ASB11: variants seen among roughly 807,000 people sequenced by gnomAD.
ASB11 encodes the protein ankyrin repeat and SOCS box containing 11.
ASB11 carries 17 observed loss-of-function variants against 20.1 expected under a neutral mutation model. That is an observed-to-expected ratio of 0.85 (90% CI 0.58 to 1.27). The LOEUF (loss-of-function observed/expected upper bound fraction) is 1.27. Among genes scored for constraint, ASB11 ranks in the 50% most tolerant of loss-of-function variants. The pLI is 0.00. For synonymous variants in ASB11, 107 were observed against 105.6 expected, an observed-to-expected ratio of 1.01 and a Z score of -0.08; for missense variants, 259 against 256.9, an observed-to-expected ratio of 1.01 and a Z score of -0.06.
At position 15,283,618 on chromosome X, in the gene ASB11, G is replaced by C. The variant is rs374065486; in HGVS notation, c.859C>G (p.Leu287Val). 2.9e-5 allele frequency: 35 copies of C among 1,207,367 alleles called. No individual in the cohort carries two copies. Among genetic ancestry groups the C allele is most frequent in the Non-Finnish European group, 3.8e-5 (34 of 893,859 alleles). ...ACACACAGGCGGCAGAGCTGGGAAAGAGCAGGTGGGCCTGAGAGAGAAATA... is the reference window on the plus strand; with the variant it reads ...ACACACAGGCGGCAGAGCTGGGAAACAGCAGGTGGGCCTGAGAGAGAAATA... Reference protein sequence around the residue: ...ALLLREGPPALSQLCRLCVRK... With the variant: ...ALLLREGPPAVSQLCRLCVRK... The change falls in exon 7 of 7, where the codon CTT (leucine) becomes GTT (valine). Residue 287 changes from leucine to valine, a missense_variant. By Grantham distance (32) the Leu-to-Val change is conservative (BLOSUM62 1). Transcript: ENST00000480796.
At chrX:15,296,155 A>G (rs1162702207) in intron 3 of ASB11, among the ~76,000 whole-genome samples, 1 of 111,472 alleles carries the variant, frequency 9.0e-6, no homozygotes, top group Non-Finnish European at 1.9e-5. Context: ...AGGCTGAGGC[A>G]GGGGAATCGT....
chrX:15,285,878 G>A lies in ASB11; in HGVS notation c.847+2003C>T, dbSNP rs756058926. ...AAATTAGCTGGGCGTGGTGGCACGC[G>A]CCTGTAATCGCAGCTACTCAGGAGG... On this transcript the variant is annotated intron_variant, in intron 6 of 6. Transcript: ENST00000480796. 9.0e-5 allele frequency among the ~76,000 whole-genome samples: 10 copies of A among 110,646 alleles called. No homozygotes were observed. The South Asian group carries it at 2.4e-3, about 26-fold the overall frequency.
intron 1 of ASB11, among the ~76,000 whole-genome samples, chrX:15,309,576 G>GGA (rs1159886344): frequency 9.0e-6 from 1 of 110,857 alleles, no homozygotes; most frequent in Non-Finnish European, 1.9e-5. Context: ...CCTGGTCCAT[G>GGA]GAGAAATTGT....
intron 4 of ASB11, chrX:15,292,134 C>T (rs1927552117): frequency 9.0e-6 from 1 of 110,737 alleles, no homozygotes; most frequent in African/African-American, 3.3e-5. Context: ...AAATGACTAA[C>T]ATCAGCTATT....
rs746885152 is a variant in ASB11 at position 15,315,532 on chromosome X, TTA to T, written c.72_73del (p.Phe24LeufsTer5). The T allele has an allele frequency of 1.0e-5, 12 of 1,192,286 alleles. No homozygotes were observed. Among genetic ancestry groups the T allele is most frequent in the Non-Finnish European group, 1.4e-5 (12 of 886,674 alleles). On this transcript the variant is annotated frameshift_variant, in exon 1 of 7. Coordinates refer to ENST00000480796, the MANE Select transcript of ASB11 (RefSeq NM_080873.3). LOFTEE classifies it high-confidence loss of function. The stretch of plus-strand genomic sequence containing the variant: ...AGCCAAAAAAACTTTAATTAAAAGC[TTA>T]AAGAAAAAAAACGTAGCAAACATTG...
intron 2 of ASB11, among the ~76,000 whole-genome samples, chrX:15,302,290 C>T (rs1309473023): frequency 8.9e-6 from 1 of 111,836 alleles, no homozygotes; most frequent in Non-Finnish European, 1.9e-5. Flanking sequence ...CTAAGCTGCT[C>T]CCTGGCCCAC....
intron 2 of ASB11, among the ~76,000 whole-genome samples, chrX:15,298,028 G>A (rs750516433): frequency 8.9e-6 from 1 of 112,158 alleles, no homozygotes; most frequent in Non-Finnish European, 1.9e-5. Context: ...TCTGCATTCT[G>A]GAGCAGGTAA....
chrX:15,307,443 A>G (rs1180194335), intron 1 of ASB11, among the ~76,000 whole-genome samples: 1 of 112,371 alleles, frequency 8.9e-6, no homozygotes, highest in Non-Finnish European at 1.9e-5. Context: ...CAGGCATTAG[A>G]TTCTCATAAA....
At chrX:15,297,931 C>T (rs1020839531) in intron 2 of ASB11, among the ~76,000 whole-genome samples, 2 of 112,114 alleles carry the variant, frequency 1.8e-5, no homozygotes, top group Admixed American at 1.9e-4. Flanking sequence ...AATATTAGTA[C>T]CATAGAGAGA....
intron 2 of ASB11, among the ~76,000 whole-genome samples, chrX:15,301,321 A>C (rs1921060395): frequency 8.9e-6 from 1 of 112,298 alleles, no homozygotes; most frequent in Non-Finnish European, 1.9e-5. Context: ...ACCTATTAAA[A>C]ATAATCAAAT....
Position 15,302,783 on chromosome X carries a change from A to C in ASB11, c.206T>G (p.Leu69Arg). Residue 69 changes from leucine to arginine, a missense_variant, in exon 2 of 7, where the codon CTT (leucine) becomes CGT (arginine). Physicochemically the swap from Leu to Arg is moderately radical, Grantham distance 102. Transcript: ENST00000480796. ...ISDCWADRSP[L>R]HEAAAQGRLL... ...GCGCCCCTGAGCTGCAGCTTCATGA[A>C]GTGGGGATCGATCAGCCCAGCAATC... The C allele has an allele frequency of 8.3e-7, 1 of 1,210,932 alleles. No individual in the cohort carries two copies. Among genetic ancestry groups the C allele is most frequent in the Non-Finnish European group, 1.1e-6 (1 of 894,978 alleles).
intron 2 of ASB11, among the ~76,000 whole-genome samples, chrX:15,297,934 T>C (rs1383834084): frequency 1.8e-5 from 2 of 112,300 alleles, no homozygotes; most frequent in Admixed American, 9.4e-5. Context: ...ATTAGTACCA[T>C]AGAGAGAGAA....
In ASB11 at chrX:15,309,967, C is replaced by CAAAAAAAAAAAAAAAAAA. The variant is rs60765469; in HGVS notation, c.181+5440_181+5457dup. On this transcript the variant is annotated intron_variant, in intron 1 of 6. Transcript: ENST00000480796. ...TGGGCGACAGAGCAAGACTCCGTCT[C>CAAAAAAAAAAAAAAAAAA]AAAAAAAAAAAAAAAAAAAAAAAAG... Among the ~76,000 whole-genome samples the CAAAAAAAAAAAAAAAAAA allele has an allele frequency of 1.8e-3, 28 of 15,512 alleles. 2 individuals are homozygous for CAAAAAAAAAAAAAAAAAA. Among genetic ancestry groups the CAAAAAAAAAAAAAAAAAA allele is most frequent in the South Asian group, 7.7e-3 (1 of 130 alleles). The allele number at this position is 15,512 out of a possible 115,157, so 13.5% of individuals were successfully genotyped here. A position where few individuals can be genotyped will look rare whatever the true frequency, so the allele number is the denominator to read the frequency against.
chrX:15,303,769 GC>G (rs1401884986), intron 1 of ASB11, among the ~76,000 whole-genome samples: 2 of 111,916 alleles, frequency 1.8e-5, no homozygotes, highest in Admixed American at 9.5e-5. Context: ...TTTGTCAAGT[GC>G]ATTGGTCTCT....
At chrX:15,289,338 A>G (rs941043455) in intron 5 of ASB11, among the ~76,000 whole-genome samples, 166 bp downstream of exon 5, 1 of 112,789 alleles carries the variant, frequency 8.9e-6, no homozygotes, top group South Asian at 3.6e-4. Context: ...AGGAAGCAGG[A>G]CTGAGAAATA....
chrX:15,298,614 G>T (rs1264903684), intron 2 of ASB11, among the ~76,000 whole-genome samples: 1 of 111,451 alleles, frequency 9.0e-6, no homozygotes, highest in Non-Finnish European at 1.9e-5. Context: ...TTGATTGCAG[G>T]AGTAGGGATG....
intron 1 of ASB11, among the ~76,000 whole-genome samples, chrX:15,312,797 T>A (rs149687408): frequency 6.2e-4 from 67 of 108,550 alleles, no homozygotes; most frequent in African/African-American, 2.1e-3. Flanking sequence ...GGTTTGAGTT[T>A]AACACTTCCA....
At position 15,284,060 on chromosome X, in the gene ASB11, G is replaced by T. The variant is rs191536203; in HGVS notation, c.848-431C>A. On this transcript the variant is annotated intron_variant, in intron 6 of 6. Coordinates refer to ENST00000480796, the MANE Select transcript of ASB11 (RefSeq NM_080873.3). ...GAGGTCAGGAGATGGAGACCATCCT[G>T]GCTAACACGGTGAAACCCCGTGTCC... Among the ~76,000 whole-genome samples, 25 of 107,541 alleles carry T rather than the reference G, an allele frequency of 2.3e-4. No individual in the cohort carries two copies. In the East Asian group the frequency reaches 7.5e-3, roughly 32 times the overall value. 93.4% of individuals were successfully genotyped at this position (107,541 alleles called of 115,157 possible).
intron 6 of ASB11, among the ~76,000 whole-genome samples, chrX:15,287,569 C>T (rs191005294): frequency 1.8e-5 from 2 of 112,881 alleles, no homozygotes; most frequent in East Asian, 5.6e-4. Flanking sequence ...TTGTGATCCA[C>T]CCGCCTCAGC....
Sources: gnomAD v4.1 joint callset for allele counts (sites outside exome capture counted in the v4.1 genomes callset) on GRCh38, gnomAD v4.1.1 for gene constraint, MANE v1.5 for transcripts, NCBI Gene and HGNC (gene_info 2026-07-23, HGNC 2026-07-21) for gene names.